PALLD: variants seen among roughly 807,000 people sequenced by gnomAD.
PALLD encodes the protein palladin, cytoskeletal associated protein.
PALLD carries 61 observed loss-of-function variants against 123.5 expected under a neutral mutation model. That is an observed-to-expected ratio of 0.49 (90% CI 0.40 to 0.61). PALLD has a LOEUF of 0.61. PALLD is among the 20% of genes least tolerant of loss of function. The pLI, the probability that PALLD is intolerant of heterozygous loss-of-function variation, is 0.00. For synonymous variants in PALLD, 465 were observed against 496.4 expected (o/e 0.94, Z 0.84); for missense variants, 1,273 against 1,377.0 (o/e 0.92, Z 1.20).
intron 10 of PALLD, among the ~76,000 whole-genome samples, chr4:168,875,678 A>G (rs1751653309): frequency 6.6e-6 from 1 of 152,228 alleles, no homozygotes; most frequent in South Asian, 2.1e-4. Flanking sequence ...ATAATTTCTT[A>G]AACTGTCACT....
At chr4:168,717,675 C>G (rs757696491) in intron 10 of PALLD, among the ~76,000 whole-genome samples, 2 of 152,050 alleles carry the variant, frequency 1.3e-5, no homozygotes, top group Non-Finnish European at 2.9e-5. Flanking sequence ...CTAGATATAC[C>G]ATAGGACTTC....
intron 2 of PALLD, among the ~76,000 whole-genome samples, chr4:168,666,229 C>T (rs534235540): frequency 7.9e-5 from 12 of 152,334 alleles, no homozygotes; most frequent in South Asian, 4.1e-4. Flanking sequence ...ATCCTTCTCT[C>T]TATGGAACCT....
chr4:168,921,800 A>AG, intron 18 of PALLD, 59 bp downstream of exon 18: 1 of 1,303,990 alleles, frequency 7.7e-7, no homozygotes, highest in Non-Finnish European at 1.1e-6. Flanking sequence ...TTACAAATGT[A>AG]AACTAATTCT....
In PALLD at chr4:168,583,344, A is replaced by T. The variant is rs1346004135; in HGVS notation, c.908+70932A>T. ...TGAATAGATGATGCTGAAACTAAAA[A>T]ATTTTATTCTAGATCAGTGCTTCTC... On this transcript the variant is annotated intron_variant, in intron 2 of 21. Transcript: ENST00000505667. 4.6e-5 allele frequency among the ~76,000 whole-genome samples: 7 copies of T among 152,172 alleles called. No homozygotes were observed. The East Asian group carries it at 1.3e-3, about 29-fold the overall frequency.
intron 3 of PALLD, among the ~76,000 whole-genome samples, chr4:168,677,624 C>G (rs1290585105): frequency 1.3e-5 from 2 of 151,746 alleles, no homozygotes; most frequent in Non-Finnish European, 2.9e-5. Context: ...TTTTTGCCAC[C>G]CCTCCCCTTC....
intron 10 of PALLD, among the ~76,000 whole-genome samples, chr4:168,816,260 C>T (rs1012795276): frequency 1.3e-5 from 2 of 152,020 alleles, no homozygotes; most frequent in African/African-American, 4.8e-5. Flanking sequence ...CTCCAAATGC[C>T]TGCTTGTTTT....
chr4:168,512,510 G>T, intron 2 of PALLD, 98 bp downstream of exon 2: 1 of 1,116,500 alleles, frequency 9.0e-7, no homozygotes, highest in East Asian at 2.6e-5. Context: ...TTAGCCCTCT[G>T]GAGACTGAGG....
intron 10 of PALLD, among the ~76,000 whole-genome samples, chr4:168,854,840 C>G (rs1748345136): frequency 1.3e-5 from 2 of 152,118 alleles, no homozygotes; most frequent in African/African-American, 4.8e-5. Context: ...GACAGTGTAC[C>G]AGGGGACTGT....
chr4:168,925,720 G>A (rs1342848276), intron 21 of PALLD, among the ~76,000 whole-genome samples: 1 of 152,096 alleles, frequency 6.6e-6, no homozygotes, highest in African/African-American at 2.4e-5. Flanking sequence ...ATTTATTTAA[G>A]AATTTATTTC....
intron 8 of PALLD, among the ~76,000 whole-genome samples, chr4:168,703,924 T>A (rs1448710337): frequency 6.6e-6 from 1 of 151,938 alleles, no homozygotes; most frequent in Non-Finnish European, 1.5e-5. Context: ...TTAGATCCCA[T>A]GTGTCAATTT....
chr4:168,683,464 G>A (rs1157956372), intron 5 of PALLD, among the ~76,000 whole-genome samples: 1 of 152,052 alleles, frequency 6.6e-6, no homozygotes, highest in African/African-American at 2.4e-5. Context: ...CAAATTAAAA[G>A]ACAAGTCTGC....
intron 10 of PALLD, among the ~76,000 whole-genome samples, chr4:168,746,380 CAAAAAAAAAAAAAAAA>C (rs747755592): frequency 1.1e-4 from 4 of 37,016 alleles, no homozygotes; most frequent in Non-Finnish European, 2.2e-4. Flanking sequence ...GAACCCGTCT[CAAAAAAAAAAAAAAAA>C]AAAAAAAAAA....
intron 10 of PALLD, among the ~76,000 whole-genome samples, chr4:168,868,973 CAA>C (rs1037988084): frequency 6.6e-6 from 1 of 152,112 alleles, no homozygotes; most frequent in African/African-American, 2.4e-5. Flanking sequence ...ATAACCAAAT[CAA>C]ATGGAAAATG....
intron 10 of PALLD, among the ~76,000 whole-genome samples, chr4:168,729,713 C>T (rs968695223): frequency 8.5e-5 from 13 of 152,090 alleles, no homozygotes; most frequent in Non-Finnish European, 1.6e-4. Context: ...TTTATTTTAT[C>T]GTCTCATTTA....
chr4:168,577,350 C>G (rs1769729764), intron 2 of PALLD, among the ~76,000 whole-genome samples: 1 of 152,030 alleles, frequency 6.6e-6, no homozygotes, highest in African/African-American at 2.4e-5. Flanking sequence ...ATGGTTTGCC[C>G]ACAAGGACTC....
At chr4:168,683,254 A>T in intron 5 of PALLD, 151 bp downstream of exon 5, 1 of 564,142 alleles carries the variant, frequency 1.8e-6, no homozygotes, top group Non-Finnish European at 3.2e-6. Flanking sequence ...ATTGTAGGTA[A>T]TGTTTCTCCT....
intron 2 of PALLD, among the ~76,000 whole-genome samples, chr4:168,582,811 T>C (rs1182330071): frequency 1.3e-5 from 2 of 152,170 alleles, no homozygotes; most frequent in African/African-American, 4.8e-5. Flanking sequence ...TAATATGCTA[T>C]GAATTTGGTT....
At chr4:168,700,659 G>T (rs1317428878) in intron 8 of PALLD, 3 of 152,160 alleles carry the variant, frequency 2.0e-5, no homozygotes, top group Non-Finnish European at 2.9e-5. Context: ...AATTGTTTCT[G>T]CACTCAGAGG....
At chr4:168,508,385 A>C (rs995677943) in intron 1 of PALLD, among the ~76,000 whole-genome samples, 2 of 152,216 alleles carry the variant, frequency 1.3e-5, no homozygotes, top group South Asian at 4.1e-4. Context: ...TCTCTTTTTC[A>C]AGGTCATATC....
Sources: gnomAD v4.1 joint callset for allele counts (sites outside exome capture counted in the v4.1 genomes callset) on GRCh38, gnomAD v4.1.1 for gene constraint, MANE v1.5 for transcripts, NCBI Gene and HGNC (gene_info 2026-07-23, HGNC 2026-07-21) for gene names.